The following MEGF11 variants were observed in gnomAD, a reference collection of about 807,000 sequenced individuals.
The protein encoded by MEGF11 is multiple epidermal growth factor-like domains protein 11.
A neutral mutation model predicts 146.6 loss-of-function variants in MEGF11; 126 were observed. The observed-to-expected ratio is 0.86, with a 90% CI of 0.74 to 1.00. MEGF11 has a LOEUF of 1.00. Ranked by LOEUF, MEGF11 falls within the 50% of genes least tolerant of loss-of-function variation. The probability of loss-of-function intolerance (pLI) is 0.00; values close to 1 mark genes in which losing one functional copy is unlikely to be tolerated. For synonymous variants in MEGF11, 532 were observed against 583.4 expected (o/e 0.91, Z 1.27); for missense variants, 1,509 against 1,521.2 (o/e 0.99, Z 0.13).
intron 21 of MEGF11, among the ~76,000 whole-genome samples, chr15:65,911,192 G>T (rs370096980): frequency 5.3e-5 from 8 of 152,338 alleles, no homozygotes; most frequent in African/African-American, 1.9e-4. Flanking sequence ...ACAGAACTCA[G>T]TGTCCACAGA....
In MEGF11 at chr15:66,103,294, C is replaced by T. The variant is rs542985295; in HGVS notation, c.302-8800G>A. Among the ~76,000 whole-genome samples the T allele has an allele frequency of 5.3e-5, 8 of 152,328 alleles. No individual in the cohort carries two copies. The Middle Eastern group carries it at 0.01, about 194-fold the overall frequency. ...TAAGTCTGCAGGCTACTGGCTATAA[C>T]GGAATGGTTATTATGAGCGTGAAAA... is the stretch of plus-strand genomic sequence containing the variant. On this transcript the variant is annotated intron_variant, in intron 4 of 25. Coordinates refer to ENST00000395614, the MANE Select transcript of MEGF11 (RefSeq NM_001385028.1).
At chr15:66,208,526 G>T (rs1186366796) in intron 1 of MEGF11, among the ~76,000 whole-genome samples, 1 of 152,154 alleles carries the variant, frequency 6.6e-6, no homozygotes. Context: ...AATTAAAAGA[G>T]AAATTGAAAA....
chr15:65,935,863 G>T (rs2079765116), intron 10 of MEGF11, among the ~76,000 whole-genome samples: 1 of 152,154 alleles, frequency 6.6e-6, no homozygotes, highest in South Asian at 2.1e-4. Context: ...CTAACTTCTA[G>T]CCTCTGATCT....
intron 21 of MEGF11, among the ~76,000 whole-genome samples, chr15:65,911,108 C>T (rs2078790676): frequency 6.6e-6 from 1 of 152,198 alleles, no homozygotes. Flanking sequence ...GACATCTTGC[C>T]AACAGCCAGG....
intron 1 of MEGF11, among the ~76,000 whole-genome samples, chr15:66,164,231 A>G (rs1290448232): frequency 2.7e-5 from 4 of 148,346 alleles, no homozygotes; most frequent in Non-Finnish European, 5.9e-5. Context: ...TGATGGCAGA[A>G]GTTCAATGGA....
intron 4 of MEGF11, among the ~76,000 whole-genome samples, chr15:66,095,282 G>T (rs1459664897): frequency 6.6e-6 from 1 of 152,138 alleles, no homozygotes; most frequent in East Asian, 1.9e-4. Context: ...ATTTCCTCAA[G>T]GTCATCTTTT....
At chr15:65,990,483 C>T (rs74528985) in intron 5 of MEGF11, among the ~76,000 whole-genome samples, 7,205 of 151,190 alleles carry the variant, frequency 0.048, 276 homozygotes, top group Non-Finnish European at 0.069. Context: ...CCTGAGAGGT[C>T]GGGCTGCAGT....
intron 5 of MEGF11, among the ~76,000 whole-genome samples, chr15:66,013,979 C>A (rs930399342): frequency 1.3e-5 from 2 of 152,100 alleles, no homozygotes; most frequent in African/African-American, 4.8e-5. Flanking sequence ...TGACTGCAGG[C>A]TTTGAGCAGA....
chr15:66,145,680 C>T (rs2141019020), intron 1 of MEGF11, among the ~76,000 whole-genome samples: 1 of 152,312 alleles, frequency 6.6e-6, no homozygotes, highest in East Asian at 1.9e-4. Context: ...AGCACACACA[C>T]TTTGCTGGGT....
In MEGF11 at chr15:65,980,830, C is replaced by G. The variant is rs772541004; in HGVS notation, c.710G>C (p.Gly237Ala). 8.1e-6 allele frequency: 13 copies of G among 1,603,538 alleles called. 1 individual carries two copies. The South Asian group carries it at 1.5e-4, about 18-fold the overall frequency. ...GCCAGTGATGTGGTGGCAGGTGCCC[C>G]CATTCTGACAGGGGCAGCGCAGCTC... ...HCELRCPCQN[G>A]GTCHHITGEC... The change falls in exon 7 of 26, where the codon GGG (glycine) becomes GCG (alanine). Residue 237 changes from glycine (G) to alanine (A), a missense_variant. Transcript: ENST00000395614.
At chr15:66,184,709 CT>C (rs1204909212) in intron 1 of MEGF11, among the ~76,000 whole-genome samples, 1 of 151,916 alleles carries the variant, frequency 6.6e-6, no homozygotes, top group Non-Finnish European at 1.5e-5. Context: ...CTCTCCACCC[CT>C]GCCTCGCTGA....
intron 1 of MEGF11, among the ~76,000 whole-genome samples, chr15:66,167,137 C>T (rs2090118213): frequency 6.6e-6 from 1 of 152,148 alleles, no homozygotes; most frequent in Admixed American, 6.5e-5. Context: ...TGGAGCTGGG[C>T]ATCTTGATAA....
chr15:65,987,989 A>G (rs774876515), intron 5 of MEGF11, among the ~76,000 whole-genome samples: 100 of 137,224 alleles, frequency 7.3e-4, no homozygotes, highest in Non-Finnish European at 1.1e-3. Context: ...GATTACAGGC[A>G]TGAGCCACAG....
intron 1 of MEGF11, among the ~76,000 whole-genome samples, chr15:66,236,035 C>A (rs978602986): frequency 2.6e-5 from 4 of 152,124 alleles, no homozygotes; most frequent in Non-Finnish European, 5.9e-5. Flanking sequence ...GTCACTCAGC[C>A]CACCAGAGGG....
At chr15:65,935,138 G>A (rs2079724278) in intron 10 of MEGF11, among the ~76,000 whole-genome samples, 1 of 151,818 alleles carries the variant, frequency 6.6e-6, no homozygotes, top group Non-Finnish European at 1.5e-5. Flanking sequence ...GGCCAACATG[G>A]TGAAACCCTG....
chr15:66,055,615 T>C (rs562561454), intron 5 of MEGF11, among the ~76,000 whole-genome samples: 27 of 152,356 alleles, frequency 1.8e-4, no homozygotes, highest in African/African-American at 6.5e-4. Flanking sequence ...CTGCTATTTA[T>C]AATGTTTGGT....
At chr15:66,054,449 C>G (rs2084595613) in intron 5 of MEGF11, among the ~76,000 whole-genome samples, 1 of 152,198 alleles carries the variant, frequency 6.6e-6, no homozygotes, top group African/African-American at 2.4e-5. Flanking sequence ...TTCCCAACTC[C>G]TGGCCTTTGA....
chr15:66,219,032 T>A (rs987908), intron 1 of MEGF11, among the ~76,000 whole-genome samples: 1 of 145,028 alleles, frequency 6.9e-6, no homozygotes, highest in Admixed American at 6.8e-5. Context: ...TAGATAGAGA[T>A]AGAGACATAG....
chr15:65,955,793 T>TACAC lies in MEGF11; in HGVS notation c.1287+1750_1287+1753dup, dbSNP rs67353441. ...ATATATATATATATATATATATATATACACACACACACACACACACAATAC... is the reference window on the plus strand; with the variant it reads ...ATATATATATATATATATATATATATACACACACACACACACACACACACAATAC... On this transcript the variant is annotated intron_variant, in intron 10 of 25. Coordinates refer to ENST00000395614, the MANE Select transcript of MEGF11 (RefSeq NM_001385028.1). Among the ~76,000 whole-genome samples the TACAC allele has an allele frequency of 6.2e-3, 42 of 6,770 alleles. 5 individuals carry two copies. Among genetic ancestry groups the TACAC allele is most frequent in the Middle Eastern group, 0.12 (1 of 8 alleles). The allele number at this position is 6,770 out of a possible 152,430, so 4.4% of individuals were successfully genotyped here. A position where few individuals can be genotyped will look rare whatever the true frequency, so the allele number is the denominator to read the frequency against.
Sources: allele counts gnomAD v4.1 joint callset (sites outside exome capture counted in the v4.1 genomes callset), GRCh38; gene constraint gnomAD v4.1.1; transcripts MANE v1.5; gene names NCBI Gene and HGNC (gene_info 2026-07-23, HGNC 2026-07-21).